The following CFAP299 variants were observed in gnomAD, a reference collection of about 807,000 sequenced individuals.
CFAP299 encodes cilia and flagella associated protein 299, also known as cilia- and flagella-associated protein 299.
Under a neutral mutation model 27.0 loss-of-function variants are expected in CFAP299, and 21 were observed. That is an observed-to-expected ratio of 0.78 (90% CI 0.55 to 1.12). CFAP299 has a LOEUF of 1.12. CFAP299 is among the 50% of genes most tolerant of loss of function. The pLI is 0.00. For missense variants in CFAP299, 310 were observed against 276.6 expected (o/e 1.12, Z -0.86); for synonymous variants, 104 against 98.1 (o/e 1.06, Z -0.36).
chr4:80,958,679 T>C (rs977159041), intron 5 of CFAP299, among the ~76,000 whole-genome samples: 3 of 152,228 alleles, frequency 2.0e-5, no homozygotes, highest in African/African-American at 7.2e-5. Context: ...GCATTCAGTC[T>C]TATTACAATT....
chr4:80,632,481 T>A lies in CFAP299; in HGVS notation c.333+49298T>A, dbSNP rs74480843. ...CATCTATTATATGCCAGGCAAGTGC[T>A]AGCTACAGGTAATAAAACTCTGGAC... On this transcript the variant is annotated intron_variant, in intron 3 of 5. Transcript: ENST00000358105. Among the ~76,000 whole-genome samples, 1,079 of 152,292 alleles carry A rather than the reference T, an allele frequency of 7.1e-3. 15 individuals carry two copies. Among genetic ancestry groups the A allele is most frequent in the African/African-American group, 0.025 (1,031 of 41,574 alleles).
Position 80,445,188 on chromosome 4 carries a change from G to T in CFAP299, c.242+82304G>T, listed in dbSNP as rs181657439. Reference sequence around the variant, plus strand: ...CCCATTACTGGGTGTATACCCAAAGGATTATAAATCATTCTATTATAAAGA... The same window carrying T: ...CCCATTACTGGGTGTATACCCAAAGTATTATAAATCATTCTATTATAAAGA... On this transcript the variant is annotated intron_variant, in intron 2 of 5. Coordinates refer to ENST00000358105, the MANE Select transcript of CFAP299 (RefSeq NM_152770.3). Among the ~76,000 whole-genome samples the T allele has an allele frequency of 2.2e-4, 33 of 152,302 alleles. No homozygotes were observed. In the East Asian group the frequency reaches 5.6e-3, roughly 26 times the overall value.
At chr4:80,950,834 G>T (rs1737740619) in intron 5 of CFAP299, among the ~76,000 whole-genome samples, 1 of 152,116 alleles carries the variant, frequency 6.6e-6, no homozygotes, top group Admixed American at 6.6e-5. Context: ...TGGTTCACAA[G>T]GGTTGAGACA....
chr4:80,561,094 G>A (rs1345977796), intron 2 of CFAP299, among the ~76,000 whole-genome samples: 2 of 152,162 alleles, frequency 1.3e-5, no homozygotes, highest in Non-Finnish European at 2.9e-5. Flanking sequence ...TCCACCCCCA[G>A]CTTTAGGTGG....
intron 3 of CFAP299, among the ~76,000 whole-genome samples, chr4:80,750,868 A>G (rs915486922): frequency 6.6e-6 from 1 of 152,176 alleles, no homozygotes; most frequent in Non-Finnish European, 1.5e-5. Context: ...GACCTGAGAA[A>G]TGAGAGAGGA....
chr4:80,677,325 T>C (rs1719524810), intron 3 of CFAP299, among the ~76,000 whole-genome samples: 1 of 152,104 alleles, frequency 6.6e-6, no homozygotes, highest in Non-Finnish European at 1.5e-5. Flanking sequence ...TGATATGATT[T>C]ATGCTTTTGA....
At chr4:80,826,636 T>G (rs150163141) in intron 3 of CFAP299, among the ~76,000 whole-genome samples, 68 of 151,874 alleles carry the variant, frequency 4.5e-4, no homozygotes, top group African/African-American at 1.6e-3. Context: ...CCACACTCAG[T>G]AATGAATAGG....
At chr4:80,513,923 A>G (rs746635465) in intron 2 of CFAP299, among the ~76,000 whole-genome samples, 20 of 152,094 alleles carry the variant, frequency 1.3e-4, no homozygotes, top group Non-Finnish European at 2.4e-4. Flanking sequence ...CTTAACCCAT[A>G]TGTTTAAATA....
At chr4:80,919,013 C>T (rs1053574757) in intron 4 of CFAP299, among the ~76,000 whole-genome samples, 2 of 151,980 alleles carry the variant, frequency 1.3e-5, no homozygotes, top group Admixed American at 6.6e-5. Context: ...GAAAGAAAAG[C>T]CCCCCAGAAC....
chr4:80,666,068 T>A (rs921633539), intron 3 of CFAP299, among the ~76,000 whole-genome samples: 2 of 152,200 alleles, frequency 1.3e-5, no homozygotes, highest in Admixed American at 6.5e-5. Context: ...ATGAGATATG[T>A]GAGGTTAGAA....
intron 1 of CFAP299, chr4:80,336,428 A>C (rs916515174): frequency 2.6e-5 from 4 of 153,502 alleles, no homozygotes; most frequent in Middle Eastern, 6.7e-3. Context: ...GTAGTTGTGC[A>C]GACATATTCC....
rs188172338 is a variant in CFAP299 at position 80,505,973 on chromosome 4, T to C, written c.243-77120T>C. ...CAACACAGAGAGACTCTGTTTCTAA[T>C]GTGTACACACACACACGTGTGTGCG... On this transcript the variant is annotated intron_variant, in intron 2 of 5. Coordinates refer to ENST00000358105, the MANE Select transcript of CFAP299 (RefSeq NM_152770.3). 8.0e-3 allele frequency among the ~76,000 whole-genome samples: 1,203 copies of C among 151,228 alleles called. 8 individuals carry two copies. The highest frequency in any genetic ancestry group is 0.017 in the Middle Eastern group (5 of 288).
intron 3 of CFAP299, among the ~76,000 whole-genome samples, chr4:80,861,285 G>C (rs570528641): frequency 6.6e-6 from 1 of 152,154 alleles, no homozygotes; most frequent in African/African-American, 2.4e-5. Flanking sequence ...TCGGGTGGGA[G>C]TGACCCGATT....
At chr4:80,362,705 A>G (rs1391350587) in intron 1 of CFAP299, 49 bp from the exon 2 acceptor site, 1 of 1,541,200 alleles carries the variant, frequency 6.5e-7, no homozygotes, top group South Asian at 1.3e-5. Flanking sequence ...GTAAGTAAAA[A>G]TAGTATGTCT....
At chr4:80,539,469 G>C (rs756926198) in intron 2 of CFAP299, among the ~76,000 whole-genome samples, 1 of 152,116 alleles carries the variant, frequency 6.6e-6, no homozygotes, top group Non-Finnish European at 1.5e-5. Flanking sequence ...AACAGCTTAG[G>C]ATTGGCTAGT....
chr4:80,714,033 A>T (rs762411909), intron 3 of CFAP299, among the ~76,000 whole-genome samples: 4 of 152,168 alleles, frequency 2.6e-5, no homozygotes, highest in Non-Finnish European at 4.4e-5. Flanking sequence ...ATATATGTAT[A>T]GCTTCAGCAC....
intron 2 of CFAP299, among the ~76,000 whole-genome samples, chr4:80,535,282 ACCCTTCCC>A (rs1446885950): frequency 6.6e-6 from 1 of 152,020 alleles, no homozygotes; most frequent in Non-Finnish European, 1.5e-5. Flanking sequence ...CTGAAAGGGG[ACCCTTCCC>A]TCATTTTCCC....
At chr4:80,541,315 G>C (rs528153349) in intron 2 of CFAP299, among the ~76,000 whole-genome samples, 7 of 152,126 alleles carry the variant, frequency 4.6e-5, no homozygotes, top group South Asian at 4.2e-4. Context: ...GCTTCATTGT[G>C]GTTAGTAATT....
chr4:80,662,935 G>T (rs1021559848), intron 3 of CFAP299, among the ~76,000 whole-genome samples: 7 of 151,652 alleles, frequency 4.6e-5, no homozygotes, highest in Admixed American at 2.6e-4. Flanking sequence ...CAAATTTTAG[G>T]TGCTACTTAT....
Sources: gnomAD v4.1 joint callset for allele counts (sites outside exome capture counted in the v4.1 genomes callset) on GRCh38, gnomAD v4.1.1 for gene constraint, MANE v1.5 for transcripts, NCBI Gene and HGNC (gene_info 2026-07-23, HGNC 2026-07-21) for gene names.